ZFHX3: variants seen among roughly 807,000 people sequenced by gnomAD.
ZFHX3 encodes zinc finger homeobox protein 3.
ZFHX3 carries 42 observed loss-of-function variants against 279.1 expected under a neutral mutation model. That is an observed-to-expected ratio of 0.15 (90% CI 0.12 to 0.19). The LOEUF (loss-of-function observed/expected upper bound fraction) is 0.19, where lower values mean the gene tolerates loss of function less well. Among genes scored for constraint, ZFHX3 ranks in the 10% least tolerant of loss-of-function variants. ZFHX3 has a pLI of 1.00. For missense variants in ZFHX3, 4,981 were observed against 4,754.0 expected, an observed-to-expected ratio of 1.05 and a Z score of -1.40; for synonymous variants, 2,293 against 1,957.8, an observed-to-expected ratio of 1.17 and a Z score of -4.52.
At chr16:73,570,593 T>G (rs1209086562) in intron 2 of ZFHX3, among the ~76,000 whole-genome samples, 1 of 152,156 alleles carries the variant, frequency 6.6e-6, no homozygotes, top group African/African-American at 2.4e-5. Context: ...AGAAAGAAAT[T>G]TAGTTGAGTT....
At chr16:73,489,734 A>T (rs2019028731) in intron 2 of ZFHX3, among the ~76,000 whole-genome samples, 2 of 152,222 alleles carry the variant, frequency 1.3e-5, no homozygotes, top group Admixed American at 1.3e-4. Context: ...AAAAATCAGT[A>T]ACATCACTTT....
intron 2 of ZFHX3, among the ~76,000 whole-genome samples, chr16:73,635,230 A>G (rs768561577): frequency 6.6e-6 from 1 of 152,236 alleles, no homozygotes; most frequent in African/African-American, 2.4e-5. Flanking sequence ...AAGGGAAAGT[A>G]AGAAACTCCT....
rs114887122 is a variant in ZFHX3, at chr16:73,519,084, G to A, written c.-1546-62826C>T. Among the ~76,000 whole-genome samples the A allele has an allele frequency of 5.5e-3, 833 of 152,218 alleles. 8 individuals carry two copies. The highest frequency in any genetic ancestry group is 0.02 in the African/African-American group (810 of 41,526). On this transcript the variant is annotated intron_variant, in intron 2 of 17. Coordinates refer to the ZFHX3 transcript ENST00000641206. ...ACATTTCCAAGCTCATCAACTTCTC[G>A]AGAATAAAGGGGAGATCTGCTGAAT... is the stretch of plus-strand genomic sequence containing the variant.
intron 1 of ZFHX3, among the ~76,000 whole-genome samples, chr16:73,815,245 T>G (rs1295806494): frequency 6.6e-6 from 1 of 152,212 alleles, no homozygotes; most frequent in Non-Finnish European, 1.5e-5. Flanking sequence ...AGGCTGTGTC[T>G]TTTCAAAGCT....
At chr16:73,332,813 G>A (rs1409993732) in intron 3 of ZFHX3, among the ~76,000 whole-genome samples, 1 of 152,224 alleles carries the variant, frequency 6.6e-6, no homozygotes, top group African/African-American at 2.4e-5. Flanking sequence ...TGCAACAAGA[G>A]TGGTGGCAAG....
At chr16:73,272,999 A>G (rs1435588146) in intron 4 of ZFHX3, among the ~76,000 whole-genome samples, 1 of 152,080 alleles carries the variant, frequency 6.6e-6, no homozygotes. Context: ...CTCCAGCCTC[A>G]GTCTCTCAAA....
intron 1 of ZFHX3, among the ~76,000 whole-genome samples, chr16:73,699,935 C>A (rs2053231504): frequency 6.6e-6 from 1 of 152,086 alleles, no homozygotes; most frequent in Non-Finnish European, 1.5e-5. Context: ...CATTAAAAAG[C>A]ATTCCTGGCT....
intron 1 of ZFHX3, among the ~76,000 whole-genome samples, chr16:73,767,802 C>T (rs909413416): frequency 4.6e-5 from 7 of 152,098 alleles, no homozygotes; most frequent in African/African-American, 1.2e-4. Flanking sequence ...TGTAGTCTTA[C>T]GTAATCAGCT....
chr16:73,860,984 ATT>A (rs34828290), intron 1 of ZFHX3, among the ~76,000 whole-genome samples: 50 of 140,574 alleles, frequency 3.6e-4, no homozygotes, highest in African/African-American at 7.3e-4. Flanking sequence ...TTTTTTGCAG[ATT>A]TTTTTTTTTT....
At chr16:73,563,047 TAACCA>T (rs2020394706) in intron 2 of ZFHX3, among the ~76,000 whole-genome samples, 1 of 152,114 alleles carries the variant, frequency 6.6e-6, no homozygotes, top group Non-Finnish European at 1.5e-5. Flanking sequence ...AAATTTCAGT[TAACCA>T]GCAGTACCCA....
chr16:73,783,757 T>C (rs1332828193), intron 1 of ZFHX3, among the ~76,000 whole-genome samples: 1 of 152,212 alleles, frequency 6.6e-6, no homozygotes, highest in African/African-American at 2.4e-5. Flanking sequence ...AACAATCTGA[T>C]GAGATAGTTA....
intron 1 of ZFHX3, among the ~76,000 whole-genome samples, chr16:73,006,398 G>A (rs1319560513): frequency 6.6e-6 from 1 of 152,106 alleles, no homozygotes; most frequent in East Asian, 1.9e-4. Flanking sequence ...CAACGCAGGA[G>A]GATAACTTGA....
intron 2 of ZFHX3, among the ~76,000 whole-genome samples, chr16:73,540,976 T>A (rs1304206092): frequency 6.6e-6 from 1 of 151,736 alleles, no homozygotes; most frequent in South Asian, 2.1e-4. Context: ...ATGGTAGGGG[T>A]CATCTCAGAG....
chr16:73,700,556 A>G (rs2053237345), intron 1 of ZFHX3, among the ~76,000 whole-genome samples: 1 of 152,232 alleles, frequency 6.6e-6, no homozygotes, highest in African/African-American at 2.4e-5. Flanking sequence ...AATTCACAGT[A>G]GATTTTCTGA....
In ZFHX3 at chr16:72,797,267, A is replaced by G. The variant is rs1390446776; in HGVS notation, c.5415T>C (p.Ala1805=). The change falls in exon 9 of 10, where the codon GCT becomes GCC. Residue 1805 remains alanine (A), a synonymous_variant. Coordinates refer to ENST00000268489, the MANE Select transcript of ZFHX3 (RefSeq NM_006885.4). ...HLLFPFYIPS[A]EFQLNPEVSL... The stretch of plus-strand genomic sequence containing the variant: ...TCACCTCGGGGTTAAGCTGGAACTC[A>G]GCACTGGGGATGTAGAAAGGGAAGA... The G allele has an allele frequency of 1.2e-6, 2 of 1,611,838 alleles. No individual in the cohort carries two copies. Among genetic ancestry groups the G allele is most frequent in the Admixed American group, 3.3e-5 (2 of 59,900 alleles).
intron 1 of ZFHX3, among the ~76,000 whole-genome samples, chr16:73,721,030 G>C (rs1030759033): frequency 7.2e-5 from 11 of 152,182 alleles, no homozygotes; most frequent in African/African-American, 2.7e-4. Flanking sequence ...TTTAAAACTT[G>C]AATTTGAATG....
At chr16:73,033,035 G>GCTCTCA (rs1406462139) in intron 1 of ZFHX3, among the ~76,000 whole-genome samples, 1 of 152,118 alleles carries the variant, frequency 6.6e-6, no homozygotes, top group Non-Finnish European at 1.5e-5. Context: ...CAGAAGCCAG[G>GCTCTCA]CTCTCATCCC....
chr16:73,689,253 CT>C (rs1245394272), intron 1 of ZFHX3, among the ~76,000 whole-genome samples: 1 of 152,176 alleles, frequency 6.6e-6, no homozygotes, highest in East Asian at 1.9e-4. Context: ...ATCAGGGACA[CT>C]GCTATGATTT....
At chr16:73,763,946 T>C (rs928088983) in intron 1 of ZFHX3, among the ~76,000 whole-genome samples, 1 of 151,820 alleles carries the variant, frequency 6.6e-6, no homozygotes, top group Non-Finnish European at 1.5e-5. Flanking sequence ...TACTTGGAAG[T>C]GAATCCTTCC....
Sources: gnomAD v4.1 joint callset for allele counts (sites outside exome capture counted in the v4.1 genomes callset) on GRCh38, gnomAD v4.1.1 for gene constraint, MANE v1.5 for transcripts, NCBI Gene and HGNC (gene_info 2026-07-23, HGNC 2026-07-21) for gene names.